The following FSIP2 variants were observed in gnomAD, a reference collection of about 807,000 sequenced individuals.
FSIP2 encodes the protein fibrous sheath-interacting protein 2.
Under a neutral mutation model 510.5 loss-of-function variants are expected in FSIP2, and 367 were observed. The ratio of observed to expected loss-of-function variants is 0.72; its 90% CI spans 0.66 to 0.78. The LOEUF is 0.78. FSIP2 is among the 30% of genes least tolerant of loss of function. The probability of loss-of-function intolerance (pLI) is 0.00; values close to 1 mark genes in which losing one functional copy is unlikely to be tolerated. For missense variants in FSIP2, 7,594 were observed against 7,901.7 expected (o/e 0.96, Z 1.48); for synonymous variants, 2,601 against 2,732.2 (o/e 0.95, Z 1.50).
At chr2:185,788,344 A>C (rs1228003846) in intron 15 of FSIP2, 4 of 169,968 alleles carry the variant, frequency 2.4e-5, no homozygotes, top group African/African-American at 7.3e-5. Context: ...TATTTTTAAC[A>C]AAAAAAAAAT....
intron 5 of FSIP2, among the ~76,000 whole-genome samples, chr2:185,746,014 C>G (rs185311177): frequency 6.6e-6 from 1 of 152,038 alleles, no homozygotes; most frequent in Non-Finnish European, 1.5e-5. Flanking sequence ...ATGACTCAGT[C>G]ATATTCAATC....
chr2:185,824,538 T>A, intron 20 of FSIP2, 58 bp downstream of exon 20: 1 of 1,010,382 alleles, frequency 9.9e-7, no homozygotes, highest in Non-Finnish European at 1.5e-6. Context: ...TGTGTTTTTT[T>A]TTTAGTTATC....
rs527971936 is a variant in FSIP2 at position 185,827,808 on chromosome 2, A to G, written c.20474-348A>G. On this transcript the variant is annotated intron_variant, in intron 20 of 22. Transcript: ENST00000424728. ...AAGGGCTATTAAGAATCATCTATAG[A>G]GTAATCCCTCATTGTACAGGTAAAC... is the stretch of plus-strand genomic sequence containing the variant. 3.3e-5 allele frequency among the ~76,000 whole-genome samples: 5 copies of G among 152,028 alleles called. No homozygotes were observed. In the East Asian group the frequency reaches 9.8e-4, roughly 30 times the overall value.
Position 185,802,735 on chromosome 2 carries a change from T to C in FSIP2, c.13429T>C (p.Leu4477=). The C allele has an allele frequency of 6.6e-7, 1 of 1,514,030 alleles. No homozygotes were observed. The highest frequency in any genetic ancestry group is 1.4e-5 in the African/African-American group (1 of 71,820). 93.8% of individuals were successfully genotyped at this position (1,514,030 alleles called of 1,614,324 possible). Residue 4477 remains leucine (L), a synonymous_variant, in exon 17 of 23, where the codon TTA becomes CTA. Transcript: ENST00000424728. ...TFLEDMIRVL[L]SKLFSSASSL... ...TTTAGAAGATATGATCAGAGTACTA[T>C]TATCTAAATTATTTTCTTCTGCATC...
At position 185,804,230 on chromosome 2, in the gene FSIP2, A is replaced by G. The variant is rs1342645758; in HGVS notation, c.14924A>G (p.Asp4975Gly). Residue 4975 changes from aspartate to glycine, a missense_variant, in exon 17 of 23, where the codon GAT (aspartate) becomes GGT (glycine). Physicochemically the swap from Asp to Gly is moderately conservative, Grantham distance 94. Coordinates refer to ENST00000424728, the MANE Select transcript of FSIP2 (RefSeq NM_173651.4). ...SHNMLVTENPDRVKLKLTRIV... is the reference protein window; with the variant it reads ...SHNMLVTENPGRVKLKLTRIV... Reference sequence around the variant, plus strand: ...AACATGTTGGTTACTGAAAATCCAGATAGAGTGAAACTGAAACTTACCAGG... The same window carrying G: ...AACATGTTGGTTACTGAAAATCCAGGTAGAGTGAAACTGAAACTTACCAGG... 5 of 1,526,174 alleles carry G rather than the reference A, an allele frequency of 3.3e-6. No homozygotes were observed. In the African/African-American group the frequency reaches 4.1e-5, roughly 13 times the overall value. 94.5% of individuals were successfully genotyped at this position (1,526,174 alleles called of 1,614,324 possible).
Position 185,808,422 on chromosome 2 carries a change from C to T in FSIP2, c.19116C>T (p.Asn6372=). 6.2e-7 allele frequency: 1 copy of T among 1,607,650 alleles called. No individual in the cohort carries two copies. The highest frequency in any genetic ancestry group is 1.1e-5 in the South Asian group (1 of 89,662). Residue 6372 remains asparagine (N), a synonymous_variant, in exon 17 of 23, where the codon AAC becomes AAT. Transcript: ENST00000424728. ...LPSSSSKDEK[N]LSKTELNKIA... Reference sequence around the variant, plus strand: ...GTTCCTCAAGCAAAGATGAAAAAAACTTATCAAAGACTGAGTTAAATAAAA... The same window carrying T: ...GTTCCTCAAGCAAAGATGAAAAAAATTTATCAAAGACTGAGTTAAATAAAA...
chr2:185,822,313 C>A (rs542769403), intron 19 of FSIP2, among the ~76,000 whole-genome samples: 1 of 151,908 alleles, frequency 6.6e-6, no homozygotes, highest in African/African-American at 2.4e-5. Context: ...AATGTAGAAA[C>A]CCCTGAAGAA....
At chr2:185,756,070 A>G (rs1454095898) in intron 8 of FSIP2, 122 bp from the exon 9 acceptor site, 3 of 365,244 alleles carry the variant, frequency 8.2e-6, no homozygotes, top group Admixed American at 4.6e-5. Flanking sequence ...TTTTCTCGCA[A>G]TCCCACATAC....
intron 15 of FSIP2, chr2:185,788,127 T>A (rs954083100): frequency 1.2e-4 from 18 of 152,010 alleles, no homozygotes; most frequent in African/African-American, 3.6e-4. Context: ...CAGCAGGGAC[T>A]GGGAGAGAAA....
rs1254962287 is a variant in FSIP2, at chr2:185,790,829, A to C, written c.3693A>C (p.Lys1231Asn). 2.0e-6 allele frequency: 3 copies of C among 1,533,078 alleles called. No homozygotes were observed. The Admixed American group carries it at 5.9e-5, about 30-fold the overall frequency. 95.0% of individuals were successfully genotyped at this position (1,533,078 alleles called of 1,614,324 possible). Residue 1231 changes from lysine to asparagine, a missense_variant, in exon 16 of 23, where the codon AAA (lysine) becomes AAC (asparagine). Physicochemically the swap from Lys to Asn is moderately conservative, Grantham distance 94. Transcript: ENST00000424728. ...GGTTTGACAGTGAAAAGAAAATGAA[A>C]TATTTATCTTTATTTGACGTTGATC... ...KTWFDSEKKM[K>N]YLSLFDVDPE...
Position 185,793,915 on chromosome 2 carries a change from G to A in FSIP2, c.6779G>A (p.Arg2260His), listed in dbSNP as rs868232372. The A allele has an allele frequency of 2.3e-5, 35 of 1,525,288 alleles. No homozygotes were observed. The Middle Eastern group carries it at 6.7e-4, about 29-fold the overall frequency. 94.5% of individuals were successfully genotyped at this position (1,525,288 alleles called of 1,614,324 possible). Residue 2260 changes from arginine to histidine, a missense_variant, in exon 16 of 23, where the codon CGT becomes CAT. Coordinates refer to ENST00000424728, the MANE Select transcript of FSIP2 (RefSeq NM_173651.4). ...TTCATTACTAAAACTATTTTTAAACGTTTGGAATCTTTTGCCACAGAAAGA... is the reference window on the plus strand; with the variant it reads ...TTCATTACTAAAACTATTTTTAAACATTTGGAATCTTTTGCCACAGAAAGA... ...ANFITKTIFK[R>H]LESFATERID...
In FSIP2 at chr2:185,747,409, G is replaced by T. The variant is rs1201248748; in HGVS notation, c.856G>T (p.Glu286Ter). The change falls in exon 7 of 23, where the codon GAG becomes TAG. Residue 286 changes from glutamate to a stop codon, truncating the protein, a stop_gained. Coordinates refer to ENST00000424728, the MANE Select transcript of FSIP2 (RefSeq NM_173651.4). LOFTEE classifies it high-confidence loss of function. ...AGAACAACAGCATAGAAACAGAGAA[G>T]AGAGTGACAGGAAGGTAGGGTGAGC... ...IEEQQHRNRE[E>*]SDRKKQDLLE... 6 of 1,512,218 alleles carry T rather than the reference G, an allele frequency of 4.0e-6. No homozygotes were observed. Among genetic ancestry groups the T allele is most frequent in the Non-Finnish European group, 2.7e-6 (3 of 1,125,230 alleles). 93.7% of individuals were successfully genotyped at this position (1,512,218 alleles called of 1,614,324 possible). A position where few individuals can be genotyped will look rare whatever the true frequency, so the allele number is the denominator to read the frequency against.
At chr2:185,751,416 T>G (rs1692143267) in intron 7 of FSIP2, among the ~76,000 whole-genome samples, 1 of 150,856 alleles carries the variant, frequency 6.6e-6, no homozygotes. Context: ...GGCATATTAT[T>G]TTCTTGTGTT....
chr2:185,831,770 G>A (rs768546364), intron 21 of FSIP2, 43 bp from the exon 22 acceptor site: 92 of 1,266,486 alleles, frequency 7.3e-5, no homozygotes, highest in South Asian at 1.9e-4. Context: ...TAGTGTTTGT[G>A]TCCAGTGAAA....
chr2:185,795,345 A>C lies in FSIP2; in HGVS notation c.8209A>C (p.Ile2737Leu). The C allele has an allele frequency of 6.5e-7, 1 of 1,534,722 alleles. No homozygotes were observed. Among genetic ancestry groups the C allele is most frequent in the South Asian group, 1.2e-5 (1 of 84,042 alleles). ...DTKLPTSELK[I>L]YAKDIIINIL... is the part of the protein sequence containing the mutation. ...AAAATTGCCCACTTCAGAACTAAAA[A>C]TATATGCCAAGGATATAATAATTAA... Residue 2737 changes from isoleucine (I) to leucine (L), a missense_variant, in exon 16 of 23, where the codon ATA becomes CTA. Ile to Leu is a conservative substitution (Grantham distance 5). Transcript: ENST00000424728.
chr2:185,737,682 T>G (rs555207932), upstream of FSIP2, among the ~76,000 whole-genome samples: 18 of 151,302 alleles, frequency 1.2e-4, no homozygotes, highest in Middle Eastern at 3.4e-3. Flanking sequence ...GAAGCCTTTG[T>G]TTTTTTTTCC....
chr2:185,823,923 C>T (rs1574208776), intron 19 of FSIP2, among the ~76,000 whole-genome samples: 1 of 151,804 alleles, frequency 6.6e-6, no homozygotes, highest in East Asian at 2.0e-4. Context: ...GATATTATGA[C>T]ACATACTACT....
At chr2:185,763,325 A>C in intron 12 of FSIP2, 36 bp downstream of exon 12, 1 of 811,782 alleles carries the variant, frequency 1.2e-6, no homozygotes, top group Non-Finnish European at 2.1e-6. Flanking sequence ...ATACAAACAC[A>C]ATAAAAGGGA....
chr2:185,763,740 T>A (rs1254471357), intron 12 of FSIP2, among the ~76,000 whole-genome samples: 1 of 151,370 alleles, frequency 6.6e-6, no homozygotes, highest in Non-Finnish European at 1.5e-5. Context: ...CCCTAGGGAG[T>A]TAATGTGGTT....
Sources: allele counts gnomAD v4.1 joint callset (sites outside exome capture counted in the v4.1 genomes callset), GRCh38; gene constraint gnomAD v4.1.1; transcripts MANE v1.5; gene names NCBI Gene and HGNC (gene_info 2026-07-23, HGNC 2026-07-21).